ADGRA3: variants seen among roughly 807,000 people sequenced by gnomAD.
ADGRA3 encodes the protein adhesion G protein-coupled receptor A3.
ADGRA3 carries 56 observed loss-of-function variants against 119.8 expected under a neutral mutation model. The observed-to-expected ratio is 0.47, with a 90% confidence interval of 0.38 to 0.58. The LOEUF is 0.58. ADGRA3 is among the 20% of genes least tolerant of loss of function. The probability of loss-of-function intolerance (pLI) is 0.00; values close to 1 mark genes in which losing one functional copy is unlikely to be tolerated. For missense variants in ADGRA3, 1,516 were observed against 1,649.0 expected, an observed-to-expected ratio of 0.92 and a Z score of 1.40; for synonymous variants, 607 against 623.8, an observed-to-expected ratio of 0.97 and a Z score of 0.40.
At chr4:22,472,022 T>C (rs911118186) in intron 2 of ADGRA3, among the ~76,000 whole-genome samples, 4 of 152,228 alleles carry the variant, frequency 2.6e-5, no homozygotes, top group African/African-American at 7.2e-5. Flanking sequence ...ATACTTTTTA[T>C]GGTGTGCATG....
chr4:22,513,845 C>CAAAAAAAAAAAAAAAAAAAA (rs59015584), intron 1 of ADGRA3, among the ~76,000 whole-genome samples: 3 of 31,478 alleles, frequency 9.5e-5, no homozygotes, highest in African/African-American at 3.0e-4. Context: ...AGCTTTCAGG[C>CAAAAAAAAAAAAAAAAAAAA]AAAAAAAAAA....
intron 1 of ADGRA3, chr4:22,478,124 C>T (rs1338949119): frequency 2.6e-5 from 4 of 152,126 alleles, no homozygotes; most frequent in African/African-American, 7.2e-5. Flanking sequence ...TGCTTAGGAA[C>T]GCTACTTGGA....
Position 22,388,267 on chromosome 4 carries a change from G to A in ADGRA3, c.3404C>T (p.Thr1135Ile), listed in dbSNP as rs972347319. Residue 1135 changes from threonine to isoleucine, a missense_variant, in exon 19 of 19, where the codon ACC (threonine) becomes ATC (isoleucine). Physicochemically the swap from Thr to Ile is moderately conservative, Grantham distance 89. Coordinates refer to ENST00000334304, the MANE Select transcript of ADGRA3 (RefSeq NM_145290.4). The part of the protein sequence containing the change: ...CHANSLPLNS[T>I]PQLDNSLTEH... Reference sequence around the variant, plus strand: ...TGTCAGACTATTATCAAGCTGAGGGGTGGAGTTCAAAGGTAAAGAATTGGC... The same window carrying A: ...TGTCAGACTATTATCAAGCTGAGGGATGGAGTTCAAAGGTAAAGAATTGGC... 3.7e-6 allele frequency: 6 copies of A among 1,613,908 alleles called. No homozygotes were observed. The highest frequency in any genetic ancestry group is 4.5e-5 in the East Asian group (2 of 44,870).
intron 1 of ADGRA3, among the ~76,000 whole-genome samples, chr4:22,487,254 A>T (rs1718462449): frequency 6.6e-6 from 1 of 152,204 alleles, no homozygotes; most frequent in South Asian, 2.1e-4. Context: ...ATATATTCTA[A>T]ATCAGAGGTC....
chr4:22,405,267 A>AGTG (rs1251644200), intron 14 of ADGRA3, among the ~76,000 whole-genome samples: 1 of 152,210 alleles, frequency 6.6e-6, no homozygotes, highest in Non-Finnish European at 1.5e-5. Flanking sequence ...GGCCAGGCAC[A>AGTG]GTGACTCATG....
intron 3 of ADGRA3, among the ~76,000 whole-genome samples, chr4:22,459,233 C>T (rs76514589): frequency 0.079 from 11,952 of 152,152 alleles, 520 homozygotes; most frequent in Middle Eastern, 0.11. Context: ...TTTGCAAATA[C>T]TGCACGTTCT....
intron 14 of ADGRA3, among the ~76,000 whole-genome samples, chr4:22,404,331 A>T (rs1480713585): frequency 4.6e-5 from 7 of 152,184 alleles, no homozygotes; most frequent in Non-Finnish European, 1.0e-4. Context: ...GGAAGGGGCA[A>T]ATTTTCCCAA....
chr4:22,402,557 T>A, intron 15 of ADGRA3, 118 bp downstream of exon 15: 3 of 983,792 alleles, frequency 3.0e-6, no homozygotes, highest in East Asian at 2.5e-5. Context: ...TCTAAAGTCA[T>A]CATCCTTACT....
rs542747594 is a variant in ADGRA3, at chr4:22,470,841, G to A, written c.329+2931C>T. 6.6e-5 allele frequency among the ~76,000 whole-genome samples: 10 copies of A among 152,298 alleles called. No homozygotes were observed. In the East Asian group the frequency reaches 1.9e-3, roughly 29 times the overall value. On this transcript the variant is annotated intron_variant, in intron 2 of 18. Coordinates refer to ENST00000334304, the MANE Select transcript of ADGRA3 (RefSeq NM_145290.4). ...TCCAACAAGGTGAGCTGCTGAAGAC[G>A]TTACCACTGAGGTACCTGAGACTCA...
chr4:22,488,311 T>C (rs942936601), intron 1 of ADGRA3, among the ~76,000 whole-genome samples: 3 of 151,742 alleles, frequency 2.0e-5, no homozygotes, highest in Non-Finnish European at 4.4e-5. Flanking sequence ...GTGCAGAACA[T>C]TGGTTCTCAA....
intron 1 of ADGRA3, among the ~76,000 whole-genome samples, chr4:22,499,423 G>C (rs188817938): frequency 6.6e-6 from 1 of 152,136 alleles, no homozygotes; most frequent in Non-Finnish European, 1.5e-5. Flanking sequence ...AAACCAATGC[G>C]AATCCCCACT....
rs188375388 is a variant in ADGRA3 at position 22,408,481 on chromosome 4, A to G, written c.2232+4701T>C. 4.3e-4 allele frequency among the ~76,000 whole-genome samples: 65 copies of G among 152,320 alleles called. No homozygotes were observed. The East Asian group carries it at 0.012, about 29-fold the overall frequency. On this transcript the variant is annotated intron_variant, in intron 14 of 18. Transcript: ENST00000334304. ...AAAGACAACAAAATTAAAAATAGGC[A>G]AGACTTGAGCAGGAACGTCAGGAAA...
intron 10 of ADGRA3, 139 bp downstream of exon 10, chr4:22,435,172 A>G (rs1716343958): frequency 2.8e-6 from 2 of 726,178 alleles, no homozygotes; most frequent in African/African-American, 3.5e-5. Flanking sequence ...AAGTATCTCA[A>G]TAAAATTCTG....
intron 5 of ADGRA3, 106 bp downstream of exon 5, chr4:22,447,334 A>T: frequency 1.4e-6 from 1 of 701,762 alleles, no homozygotes; most frequent in South Asian, 1.9e-5. Context: ...CTCTACCTTG[A>T]CAAGATTGTC....
chr4:22,512,631 G>T (rs538244836), intron 1 of ADGRA3, among the ~76,000 whole-genome samples: 1 of 152,218 alleles, frequency 6.6e-6, no homozygotes, highest in East Asian at 1.9e-4. Flanking sequence ...GACACACAGG[G>T]AGAAGGCCAA....
chr4:22,398,590 C>T (rs1714469733), intron 16 of ADGRA3, among the ~76,000 whole-genome samples: 1 of 151,890 alleles, frequency 6.6e-6, no homozygotes. Flanking sequence ...TTTTATTGCA[C>T]CTATTTTTTG....
intron 1 of ADGRA3, among the ~76,000 whole-genome samples, chr4:22,500,084 C>T (rs1718998121): frequency 1.3e-5 from 2 of 152,164 alleles, no homozygotes; most frequent in South Asian, 2.1e-4. Context: ...TTTTGGATTT[C>T]ACATTTTCAT....
intron 1 of ADGRA3, among the ~76,000 whole-genome samples, chr4:22,492,717 C>T (rs1411042289): frequency 3.3e-5 from 5 of 152,086 alleles, no homozygotes; most frequent in Non-Finnish European, 7.4e-5. Context: ...GAAAAGATGG[C>T]TTTTTTCTAA....
chr4:22,453,095 G>A (rs960044948), intron 4 of ADGRA3, among the ~76,000 whole-genome samples: 13 of 151,334 alleles, frequency 8.6e-5, no homozygotes, highest in African/African-American at 2.9e-4. Context: ...CCAGCTACTC[G>A]CAAGGCTGAG....
Sources: allele counts gnomAD v4.1 joint callset (sites outside exome capture counted in the v4.1 genomes callset), GRCh38; gene constraint gnomAD v4.1.1; transcripts MANE v1.5; gene names NCBI Gene and HGNC (gene_info 2026-07-23, HGNC 2026-07-21).